The following PAPPA2 variants were observed in gnomAD, a reference collection of about 807,000 sequenced individuals.
The protein encoded by PAPPA2 is pappalysin 2, also known as pappalysin-2.
PAPPA2 carries 86 observed loss-of-function variants against 176.4 expected under a neutral mutation model. The observed-to-expected ratio is 0.49, with a 90% CI of 0.41 to 0.58. The LOEUF is 0.58. Among genes scored for constraint, PAPPA2 ranks in the 20% least tolerant of loss-of-function variants. The pLI is 0.00. For synonymous variants in PAPPA2, 809 were observed against 852.2 expected, an observed-to-expected ratio of 0.95 and a Z score of 0.88; for missense variants, 2,073 against 2,256.9, an observed-to-expected ratio of 0.92 and a Z score of 1.65.
intron 3 of PAPPA2, among the ~76,000 whole-genome samples, chr1:176,635,754 A>G (rs1656660280): frequency 6.6e-6 from 1 of 152,058 alleles, no homozygotes; most frequent in South Asian, 2.1e-4. Flanking sequence ...TTTCCATGTC[A>G]TTTCCAGTCT....
chr1:176,796,031 C>A (rs1333038003), intron 20 of PAPPA2, among the ~76,000 whole-genome samples: 4 of 152,140 alleles, frequency 2.6e-5, no homozygotes, highest in Non-Finnish European at 5.9e-5. Context: ...AGTTTCCAAC[C>A]AAATGACCTC....
chr1:176,733,626 C>T (rs1043881162), intron 12 of PAPPA2, among the ~76,000 whole-genome samples: 4 of 152,102 alleles, frequency 2.6e-5, no homozygotes, highest in South Asian at 2.1e-4. Context: ...CCTACCCAGC[C>T]GGGGAATGCT....
chr1:176,696,999 T>C (rs998648552), intron 7 of PAPPA2, among the ~76,000 whole-genome samples: 1 of 152,190 alleles, frequency 6.6e-6, no homozygotes, highest in Non-Finnish European at 1.5e-5. Flanking sequence ...ATTTACTGCA[T>C]TGGACTCTAA....
chr1:176,666,573 G>A (rs982688493), intron 3 of PAPPA2, among the ~76,000 whole-genome samples: 29 of 122,544 alleles, frequency 2.4e-4, no homozygotes, highest in African/African-American at 8.2e-4. Flanking sequence ...GTGTGTGTGT[G>A]TGTGTGTGTG....
intron 12 of PAPPA2, among the ~76,000 whole-genome samples, chr1:176,726,227 A>AATAATAGAAATATTATTT (rs1277717748): frequency 6.6e-6 from 1 of 152,158 alleles, no homozygotes; most frequent in Non-Finnish European, 1.5e-5. Context: ...CTATTATAGA[A>AATAATAGAAATATTATTT]CCTAACCCTT....
At chr1:176,804,816 T>G (rs1665826907) in intron 21 of PAPPA2, among the ~76,000 whole-genome samples, 3 of 152,240 alleles carry the variant, frequency 2.0e-5, no homozygotes, top group Admixed American at 2.0e-4. Flanking sequence ...GAAAGTAATT[T>G]AATTTGCACA....
At position 176,614,614 on chromosome 1, in the gene PAPPA2, T is replaced by C. The variant is rs1573128971; in HGVS notation, c.1991+19019T>C. On this transcript the variant is annotated intron_variant, in intron 3 of 22. Transcript: ENST00000367662. ...TGATTTAGTCCATTATTTCATTTTATTTCAATAGCTTTTTGGGGACAGGTG... is the reference window on the plus strand; with the variant it reads ...TGATTTAGTCCATTATTTCATTTTACTTCAATAGCTTTTTGGGGACAGGTG... Among the ~76,000 whole-genome samples the C allele has an allele frequency of 2.6e-5, 4 of 152,364 alleles. No homozygotes were observed. In the East Asian group the frequency reaches 5.8e-4, roughly 22 times the overall value.
At chr1:176,693,317 G>A (rs1228977528) in intron 6 of PAPPA2, among the ~76,000 whole-genome samples, 1 of 152,224 alleles carries the variant, frequency 6.6e-6, no homozygotes, top group Non-Finnish European at 1.5e-5. Context: ...TGAGAATTCT[G>A]AGGCATAGAG....
At chr1:176,642,470 ATGT>A (rs1378467551) in intron 3 of PAPPA2, among the ~76,000 whole-genome samples, 1 of 151,824 alleles carries the variant, frequency 6.6e-6, no homozygotes, top group Non-Finnish European at 1.5e-5. Context: ...CAGTAGTTTG[ATGT>A]TGTTGGAACA....
chr1:176,605,852 TC>T (rs1654582599), intron 3 of PAPPA2, among the ~76,000 whole-genome samples: 1 of 152,180 alleles, frequency 6.6e-6, no homozygotes, highest in African/African-American at 2.4e-5. Flanking sequence ...TGGTTTTTCA[TC>T]TTTACTACTT....
At chr1:176,482,936 TG>T (rs1652470776) in intron 1 of PAPPA2, among the ~76,000 whole-genome samples, 1 of 152,144 alleles carries the variant, frequency 6.6e-6, no homozygotes, top group Non-Finnish European at 1.5e-5. Flanking sequence ...GGGAGGAGGA[TG>T]GGGGCATCCT....
chr1:176,687,372 T>G (rs568821529), intron 4 of PAPPA2, among the ~76,000 whole-genome samples: 17 of 152,298 alleles, frequency 1.1e-4, no homozygotes, highest in African/African-American at 3.6e-4. Context: ...TTTTTGTGCT[T>G]CTTCTTCTAG....
chr1:176,699,672 GC>G, intron 8 of PAPPA2, 83 bp downstream of exon 8: 1 of 1,505,208 alleles, frequency 6.6e-7, no homozygotes, highest in Non-Finnish European at 8.9e-7. Context: ...TTAATATTCA[GC>G]CATGCCCTTA....
intron 3 of PAPPA2, among the ~76,000 whole-genome samples, chr1:176,638,641 C>T (rs540574267): frequency 3.3e-5 from 5 of 151,994 alleles, no homozygotes; most frequent in South Asian, 4.2e-4. Flanking sequence ...ATGAACAGGC[C>T]GGAGTGCTGG....
chr1:176,796,721 T>C (rs890295249), intron 20 of PAPPA2, among the ~76,000 whole-genome samples: 5 of 151,586 alleles, frequency 3.3e-5, no homozygotes, highest in African/African-American at 7.2e-5. Context: ...TTTCTTTCTT[T>C]CTTCTTTCTT....
chr1:176,786,491 G>A (rs865853413), intron 17 of PAPPA2, among the ~76,000 whole-genome samples: 1 of 152,170 alleles, frequency 6.6e-6, no homozygotes, highest in Non-Finnish European at 1.5e-5. Flanking sequence ...TCCTCAAGCC[G>A]TACGCTAAGA....
At chr1:176,763,633 A>T (rs1158853680) in intron 14 of PAPPA2, among the ~76,000 whole-genome samples, 1 of 152,204 alleles carries the variant, frequency 6.6e-6, no homozygotes, top group Non-Finnish European at 1.5e-5. Flanking sequence ...GAGTGTCCAT[A>T]ATCTAGTTGG....
At chr1:176,677,769 TAC>T (rs2102785239) in intron 4 of PAPPA2, among the ~76,000 whole-genome samples, 1 of 152,222 alleles carries the variant, frequency 6.6e-6, no homozygotes, top group Non-Finnish European at 1.5e-5. Context: ...CTTGGTACCA[TAC>T]TCATTGTCAT....
chr1:176,818,321 C>T (rs1666491748), intron 21 of PAPPA2, among the ~76,000 whole-genome samples: 1 of 152,094 alleles, frequency 6.6e-6, no homozygotes, highest in Non-Finnish European at 1.5e-5. Context: ...AGTCAAGAGT[C>T]AAGTGAGAAG....
Sources: allele counts gnomAD v4.1 joint callset (sites outside exome capture counted in the v4.1 genomes callset), GRCh38; gene constraint gnomAD v4.1.1; transcripts MANE v1.5; gene names NCBI Gene and HGNC (gene_info 2026-07-23, HGNC 2026-07-21).